Variants in DYNLT5 observed in about 807,000 individuals in gnomAD.
The protein encoded by DYNLT5 is dynein light chain Tctex-type family member 5, also known as dynein light chain Tctex-type 5.
Under a neutral mutation model 19.3 loss-of-function variants are expected in DYNLT5, and 25 were observed. The observed-to-expected ratio is 1.30, with a 90% CI of 0.95 to 1.81. The LOEUF is 1.81. Among genes scored for constraint, DYNLT5 ranks in the 40% most tolerant of loss-of-function variants. The pLI is 0.00. For missense variants in DYNLT5, 232 were observed against 217.9 expected (o/e 1.06, Z -0.41); for synonymous variants, 82 against 68.9 (o/e 1.19, Z -0.94).
At chr1:66,752,863 T>A (rs2094628954) in intron 1 of DYNLT5, among the ~76,000 whole-genome samples, 1 of 152,122 alleles carries the variant, frequency 6.6e-6, no homozygotes, top group African/African-American at 2.4e-5. Context: ...CCCGGGGCGG[T>A]CTTCCTGTGG....
At chr1:66,775,843 G>A (rs1006205596) in intron 3 of DYNLT5, among the ~76,000 whole-genome samples, 1 of 152,230 alleles carries the variant, frequency 6.6e-6, no homozygotes, top group African/African-American at 2.4e-5. Flanking sequence ...CAGTCCACAA[G>A]AGGGGCACTG....
intron 2 of DYNLT5, among the ~76,000 whole-genome samples, chr1:66,758,654 C>T (rs1415277570): frequency 6.6e-6 from 1 of 152,110 alleles, no homozygotes; most frequent in Non-Finnish European, 1.5e-5. Context: ...ACATATTAGG[C>T]ATATAAAGGT....
At position 66,770,379 on chromosome 1, in the gene DYNLT5, G is replaced by C. The variant is rs755497839; in HGVS notation, c.120-8G>C. On this transcript the variant is annotated splice_polypyrimidine_tract_variant and splice_region_variant and intron_variant, in intron 2 of 4. Transcript: ENST00000282670. Reference sequence around the variant, plus strand: ...ATGACTAAAATTTGTTTTCTCCCTTGTTTTTAGTTCTATGAGTACTGTGTC... The same window carrying C: ...ATGACTAAAATTTGTTTTCTCCCTTCTTTTTAGTTCTATGAGTACTGTGTC... The C allele has an allele frequency of 6.3e-7, 1 of 1,595,200 alleles. No individual in the cohort carries two copies. The highest frequency in any genetic ancestry group is 1.3e-5 in the African/African-American group (1 of 74,468).
At chr1:66,764,517 C>A (rs1477888289) in intron 2 of DYNLT5, among the ~76,000 whole-genome samples, 1 of 152,188 alleles carries the variant, frequency 6.6e-6, no homozygotes, top group African/African-American at 2.4e-5. Flanking sequence ...TCAATTAAGT[C>A]AGCTTCTTTA....
chr1:66,771,152 T>G (rs1037153997), intron 3 of DYNLT5, among the ~76,000 whole-genome samples: 4 of 152,230 alleles, frequency 2.6e-5, no homozygotes, highest in Non-Finnish European at 1.5e-5. Context: ...TGATTCCATC[T>G]GTGGCCAGTT....
At chr1:66,763,787 C>G (rs1280468905) in intron 2 of DYNLT5, among the ~76,000 whole-genome samples, 1 of 152,222 alleles carries the variant, frequency 6.6e-6, no homozygotes, top group African/African-American at 2.4e-5. Flanking sequence ...TGTGACTGGT[C>G]TGATCTTCTA....
chr1:66,759,681 T>G (rs1388367173), intron 2 of DYNLT5, among the ~76,000 whole-genome samples: 1 of 152,162 alleles, frequency 6.6e-6, no homozygotes, highest in Non-Finnish European at 1.5e-5. Flanking sequence ...AAAATACCAT[T>G]TTGCACCCAT....
At chr1:66,773,519 A>G (rs1052687577) in intron 3 of DYNLT5, among the ~76,000 whole-genome samples, 7 of 152,110 alleles carry the variant, frequency 4.6e-5, no homozygotes, top group Admixed American at 6.6e-5. Flanking sequence ...TAAATCCCCA[A>G]TTCTTCCTTC....
chr1:66,770,859 TCAAAG>T lies in DYNLT5; in HGVS notation c.211+387_211+391del, dbSNP rs1202156234. The T allele has an allele frequency of 4.3e-5, 12 of 277,246 alleles. No homozygotes were observed. The Admixed American group carries it at 5.9e-4, about 14-fold the overall frequency. The allele number at this position is 277,246 out of a possible 1,614,324, so 17.2% of individuals were successfully genotyped here. On this transcript the variant is annotated intron_variant, in intron 3 of 4. Transcript: ENST00000282670. ...TGTTAGGTGAAGGAAAAAAAAAAACTCAAAGCAAAGGCAAATGACTCATAGTCCCC... is the reference window on the plus strand; with the variant it reads ...TGTTAGGTGAAGGAAAAAAAAAAACTCAAAGGCAAATGACTCATAGTCCCC...
intron 2 of DYNLT5, among the ~76,000 whole-genome samples, chr1:66,768,392 A>G (rs1425652317): frequency 6.6e-6 from 1 of 152,214 alleles, no homozygotes; most frequent in Non-Finnish European, 1.5e-5. Context: ...TTGTAAAATG[A>G]GCATACACTG....
intron 2 of DYNLT5, among the ~76,000 whole-genome samples, chr1:66,758,232 G>C (rs1181371046): frequency 6.6e-6 from 1 of 152,132 alleles, no homozygotes; most frequent in Non-Finnish European, 1.5e-5. Flanking sequence ...TCTGTTTCCC[G>C]TCCACAGTAA....
chr1:66,774,921 C>A (rs1336085606), intron 3 of DYNLT5: 6 of 152,180 alleles, frequency 3.9e-5, no homozygotes, highest in African/African-American at 1.4e-4. Flanking sequence ...ACAGTCATCA[C>A]AAACAAACAC....
intron 3 of DYNLT5, chr1:66,775,696 T>G (rs997543907): frequency 6.6e-6 from 1 of 152,130 alleles, no homozygotes; most frequent in Non-Finnish European, 1.5e-5. Context: ...GAAGAAGACA[T>G]TTGAGATGGT....
At chr1:66,772,068 C>T (rs1188756787) in intron 3 of DYNLT5, among the ~76,000 whole-genome samples, 3 of 152,136 alleles carry the variant, frequency 2.0e-5, no homozygotes, top group Non-Finnish European at 2.9e-5. Flanking sequence ...TTAATCAAAA[C>T]TGTGTTTCCA....
At chr1:66,766,967 A>G (rs1019450473) in intron 2 of DYNLT5, among the ~76,000 whole-genome samples, 6 of 152,142 alleles carry the variant, frequency 3.9e-5, no homozygotes, top group Non-Finnish European at 8.8e-5. Flanking sequence ...GGGGAACGAC[A>G]GATACTGGGG....
chr1:66,768,245 C>A (rs1185495260), intron 2 of DYNLT5, among the ~76,000 whole-genome samples: 1 of 152,044 alleles, frequency 6.6e-6, no homozygotes, highest in Non-Finnish European at 1.5e-5. Flanking sequence ...TTTAAAGCAT[C>A]TATAATATGA....
chr1:66,763,391 G>A (rs1301136263), intron 2 of DYNLT5, among the ~76,000 whole-genome samples: 1 of 152,212 alleles, frequency 6.6e-6, no homozygotes, highest in East Asian at 1.9e-4. Flanking sequence ...TGCATTAGCT[G>A]CTACCAAGAA....
intron 2 of DYNLT5, among the ~76,000 whole-genome samples, chr1:66,766,324 C>T (rs1328090678): frequency 2.0e-5 from 3 of 152,138 alleles, no homozygotes; most frequent in Non-Finnish European, 2.9e-5. Context: ...GAAACCCATC[C>T]ATGTGTAATA....
chr1:66,761,126 G>A (rs1159057774), intron 2 of DYNLT5, among the ~76,000 whole-genome samples: 1 of 152,120 alleles, frequency 6.6e-6, no homozygotes. Flanking sequence ...AATAATGTGA[G>A]TAAAATACCT....
Sources: allele counts gnomAD v4.1 joint callset (sites outside exome capture counted in the v4.1 genomes callset), GRCh38; gene constraint gnomAD v4.1.1; transcripts MANE v1.5; gene names NCBI Gene and HGNC (gene_info 2026-07-23, HGNC 2026-07-21).